Variants in KLHL29 observed in about 807,000 individuals in gnomAD.
The protein encoded by KLHL29 is kelch like family member 29.
In KLHL29, 21 loss-of-function variants were observed where a neutral mutation model predicts 80.4. The observed-to-expected ratio is 0.26, with a 90% CI of 0.19 to 0.38. The LOEUF (loss-of-function observed/expected upper bound fraction) is 0.38. Ranked by LOEUF, KLHL29 falls within the 10% of genes least tolerant of loss-of-function variation. KLHL29 has a pLI of 1.00. For synonymous variants in KLHL29, 511 were observed against 526.8 expected (o/e 0.97, Z 0.41); for missense variants, 867 against 1,223.9 (o/e 0.71, Z 4.35).
intron 2 of KLHL29, among the ~76,000 whole-genome samples, chr2:23,560,280 T>C (rs1022793250): frequency 7.0e-6 from 1 of 143,558 alleles, no homozygotes; most frequent in Non-Finnish European, 1.5e-5. Flanking sequence ...TTTTTTTTTT[T>C]TTTTTTTTTG....
intron 1 of KLHL29, among the ~76,000 whole-genome samples, chr2:23,440,374 T>C (rs35606608): frequency 0.44 from 66,534 of 150,392 alleles, 15,502 homozygotes; most frequent in African/African-American, 0.6. Context: ...CCATAAAAAC[T>C]CTATAAGAAA....
intron 1 of KLHL29, among the ~76,000 whole-genome samples, chr2:23,467,861 A>G (rs1664394763): frequency 1.3e-5 from 2 of 152,024 alleles, no homozygotes; most frequent in African/African-American, 4.8e-5. Flanking sequence ...ACACGTGATC[A>G]GCCCGTTGGT....
intron 1 of KLHL29, among the ~76,000 whole-genome samples, chr2:23,453,122 G>A (rs1191007831): frequency 1.3e-5 from 2 of 148,696 alleles, no homozygotes; most frequent in Non-Finnish European, 3.0e-5. Context: ...AAAAAAAAAA[G>A]TAAAAGTAAA....
intron 1 of KLHL29, among the ~76,000 whole-genome samples, chr2:23,461,973 G>GC (rs1486274759): frequency 1.9e-5 from 1 of 53,920 alleles, no homozygotes; most frequent in Non-Finnish European, 3.2e-5. Context: ...TGCGGTTTTT[G>GC]CCATTTTTTT....
chr2:23,586,770 C>T (rs1346710819), intron 3 of KLHL29, among the ~76,000 whole-genome samples: 1 of 152,088 alleles, frequency 6.6e-6, no homozygotes. Flanking sequence ...TCCTTGGTGC[C>T]CCTCAGCCTC....
chr2:23,625,997 G>A (rs964817588), intron 3 of KLHL29, among the ~76,000 whole-genome samples: 4 of 152,142 alleles, frequency 2.6e-5, no homozygotes, highest in Non-Finnish European at 5.9e-5. Flanking sequence ...CCTTGACTGT[G>A]AGGAATGCAT....
intron 1 of KLHL29, among the ~76,000 whole-genome samples, chr2:23,434,970 T>C (rs185537853): frequency 3.9e-5 from 6 of 152,300 alleles, no homozygotes; most frequent in African/African-American, 1.4e-4. Context: ...TGAGGCTGGC[T>C]GAGGAAACTG....
chr2:23,605,309 G>A (rs1668680674), intron 3 of KLHL29, among the ~76,000 whole-genome samples: 1 of 151,818 alleles, frequency 6.6e-6, no homozygotes, highest in Non-Finnish European at 1.5e-5. Flanking sequence ...TACTGCCCAG[G>A]CTGGTCTTCA....
rs377752135 is a variant in KLHL29, at chr2:23,695,116, C to T, written c.1543-507C>T. On this transcript the variant is annotated intron_variant, in intron 8 of 13. Transcript: ENST00000486442. This position sits in a 1 kb window ranked among gnomAD's most constrained non-coding sequence, Gnocchi z 7.6. ...TTTGAGGCCGTGGGACATGGGACAC[C>T]ACTGAAAGTTTTCGGTGCTGGAGAG... Among the ~76,000 whole-genome samples, 3 of 152,132 alleles carry T rather than the reference C, an allele frequency of 2.0e-5. No individual in the cohort carries two copies. The highest frequency in any genetic ancestry group is 3.9e-4 in the East Asian group (2 of 5,194).
chr2:23,548,124 T>G (rs148181057), intron 2 of KLHL29, among the ~76,000 whole-genome samples: 151 of 152,264 alleles, frequency 9.9e-4, no homozygotes, highest in African/African-American at 3.6e-3. Context: ...AGGCCGTGGC[T>G]TCAAGGAGCT....
At chr2:23,517,652 G>A (rs1327513647) in intron 2 of KLHL29, among the ~76,000 whole-genome samples, 1 of 152,072 alleles carries the variant, frequency 6.6e-6, no homozygotes, top group Non-Finnish European at 1.5e-5. Flanking sequence ...AGGCTGCCTC[G>A]TGTTTCCCAT....
rs535818934 is a variant in KLHL29 at position 23,610,240 on chromosome 2, G to T, written c.286-28899G>T. Among the ~76,000 whole-genome samples, 14 of 152,302 alleles carry T rather than the reference G, an allele frequency of 9.2e-5. 1 individual carries two copies. In the South Asian group the frequency reaches 2.9e-3, roughly 32 times the overall value. On this transcript the variant is annotated intron_variant, in intron 3 of 13. Coordinates refer to ENST00000486442, the MANE Select transcript of KLHL29 (RefSeq NM_052920.2). ...CTGTTGGGCCCATGGCCAGGCCTCA[G>T]CTCCAAACTCAACTCTTGCTGGCCT...
At chr2:23,626,713 C>T (rs920292494) in intron 3 of KLHL29, among the ~76,000 whole-genome samples, 5 of 152,232 alleles carry the variant, frequency 3.3e-5, no homozygotes. Flanking sequence ...TCAGAGGCCC[C>T]GCCGCCCTGC....
chr2:23,636,533 C>T (rs1669613975), intron 3 of KLHL29, among the ~76,000 whole-genome samples: 1 of 152,206 alleles, frequency 6.6e-6, no homozygotes. Flanking sequence ...CACAGCCCAT[C>T]TGGGCCCGCC....
chr2:23,611,001 A>G (rs1054738631), intron 3 of KLHL29, among the ~76,000 whole-genome samples: 4 of 152,198 alleles, frequency 2.6e-5, no homozygotes. Flanking sequence ...TGGAAAGACA[A>G]TGAATAAGTA....
chr2:23,610,106 C>G (rs1240137944), intron 3 of KLHL29, among the ~76,000 whole-genome samples: 1 of 152,122 alleles, frequency 6.6e-6, no homozygotes, highest in Non-Finnish European at 1.5e-5. Flanking sequence ...GGCCATCTCC[C>G]CCACCCCACA....
chr2:23,675,647 G>T (rs1030524647), intron 5 of KLHL29, among the ~76,000 whole-genome samples: 4 of 152,292 alleles, frequency 2.6e-5, no homozygotes, highest in Non-Finnish European at 4.4e-5. Context: ...TCCCAGGAAG[G>T]CCATTTAAGG....
At chr2:23,573,172 T>G (rs1667761047) in intron 3 of KLHL29, among the ~76,000 whole-genome samples, 1 of 152,242 alleles carries the variant, frequency 6.6e-6, no homozygotes, top group Non-Finnish European at 1.5e-5. Context: ...CCATCTCTCC[T>G]GGAGCATTTG....
At chr2:23,458,761 A>G (rs1163076894) in intron 1 of KLHL29, among the ~76,000 whole-genome samples, 1 of 152,188 alleles carries the variant, frequency 6.6e-6, no homozygotes, top group Non-Finnish European at 1.5e-5. Flanking sequence ...CCAGGAATGG[A>G]AAGAAGGCCA....
Sources: gnomAD v4.1 joint callset for allele counts (sites outside exome capture counted in the v4.1 genomes callset) on GRCh38, gnomAD v4.1.1 for gene constraint, Gnocchi (gnomAD v3.1) non-coding constraint, MANE v1.5 for transcripts, NCBI Gene and HGNC (gene_info 2026-07-23, HGNC 2026-07-21) for gene names.